PTPRT: variants seen among roughly 807,000 people sequenced by gnomAD.
PTPRT encodes receptor-type tyrosine-protein phosphatase T.
PTPRT carries 56 observed loss-of-function variants against 176.8 expected under a neutral mutation model. The observed-to-expected ratio is 0.32, with a 90% CI of 0.26 to 0.40. The LOEUF (loss-of-function observed/expected upper bound fraction) is 0.40, where lower values mean the gene tolerates loss of function less well. PTPRT is among the 10% of genes least tolerant of loss of function. The pLI is 1.00. For missense variants in PTPRT, 1,540 were observed against 1,908.2 expected (o/e 0.81, Z 3.60); for synonymous variants, 783 against 739.0 (o/e 1.06, Z -0.96).
chr20:42,276,793 T>C (rs1249599299), intron 13 of PTPRT, among the ~76,000 whole-genome samples: 1 of 151,670 alleles, frequency 6.6e-6, no homozygotes, highest in Non-Finnish European at 1.5e-5. Context: ...GCATTGCCTA[T>C]TGATAGCAGA....
intron 13 of PTPRT, among the ~76,000 whole-genome samples, chr20:42,271,910 T>C (rs927369267): frequency 1.3e-5 from 2 of 152,106 alleles, no homozygotes; most frequent in Non-Finnish European, 2.9e-5. Flanking sequence ...TCAAAAATAA[T>C]ACAGATGGCA....
At chr20:42,443,339 C>T (rs541025845) in intron 9 of PTPRT, among the ~76,000 whole-genome samples, 3 of 152,182 alleles carry the variant, frequency 2.0e-5, no homozygotes, top group Non-Finnish European at 4.4e-5. Flanking sequence ...TGGGTCCAGG[C>T]TGGGGCCTGC....
intron 15 of PTPRT, among the ~76,000 whole-genome samples, chr20:42,213,870 T>C (rs1440846213): frequency 1.3e-5 from 2 of 152,200 alleles, no homozygotes; most frequent in Non-Finnish European, 2.9e-5. Context: ...CAAATTTTGG[T>C]TAAGTCATCT....
chr20:42,148,056 G>A (rs1334107345), intron 17 of PTPRT, among the ~76,000 whole-genome samples: 1 of 152,156 alleles, frequency 6.6e-6, no homozygotes, highest in Non-Finnish European at 1.5e-5. Context: ...ACAGTAGATT[G>A]ACCAGGGAAT....
At chr20:42,390,021 C>T (rs926682259) in intron 9 of PTPRT, among the ~76,000 whole-genome samples, 8 of 152,042 alleles carry the variant, frequency 5.3e-5, no homozygotes, top group South Asian at 2.1e-4. Context: ...CTGTGGTATT[C>T]GGTTATATCA....
Position 42,351,941 on chromosome 20 carries a change from C to T in PTPRT, c.1762+143G>A, listed in dbSNP as rs984137161. The T allele has an allele frequency of 5.6e-6, 4 of 711,064 alleles. No individual in the cohort carries two copies. The African/African-American group carries it at 7.1e-5, about 13-fold the overall frequency. 44.0% of individuals were successfully genotyped at this position (711,064 alleles called of 1,614,324 possible). ...CTTAGATTTTCTTCATAGGAGACAA[C>T]AATGGTAACTCACTAGGGACTGGAT... On this transcript the variant is annotated intron_variant, in intron 10 of 30. Transcript: ENST00000373187.
At chr20:43,056,568 T>C (rs2180434) in intron 1 of PTPRT, among the ~76,000 whole-genome samples, 10,827 of 152,278 alleles carry the variant, frequency 0.071, 473 homozygotes, top group Middle Eastern at 0.14. Context: ...TGAAGCAAGA[T>C]ATAAAATTTT....
the PTPRT span, among the ~76,000 whole-genome samples, chr20:42,050,705 C>T: frequency 2.0e-5 from 3 of 152,132 alleles, no homozygotes; most frequent in Non-Finnish European, 4.4e-5. Context: ...TAGGTGCGGC[C>T]ACAGGGATAC....
intron 7 of PTPRT, among the ~76,000 whole-genome samples, chr20:42,674,782 A>G (rs1241889138): frequency 2.0e-5 from 3 of 152,216 alleles, no homozygotes; most frequent in African/African-American, 7.2e-5. Flanking sequence ...CAATAACCTT[A>G]CAAGGAATAT....
At chr20:43,058,913 G>GC (rs1987347124) in intron 1 of PTPRT, among the ~76,000 whole-genome samples, 1 of 152,180 alleles carries the variant, frequency 6.6e-6, no homozygotes, top group Admixed American at 6.5e-5. Flanking sequence ...CTGCACTGGG[G>GC]CCCACTGGAG....
chr20:42,642,231 T>C (rs1289355907), intron 7 of PTPRT, among the ~76,000 whole-genome samples: 1 of 152,136 alleles, frequency 6.6e-6, no homozygotes. Flanking sequence ...CTAGAGGGCC[T>C]TGGGTGTGGG....
intron 7 of PTPRT, among the ~76,000 whole-genome samples, chr20:42,674,486 G>T (rs1383815227): frequency 2.0e-5 from 3 of 152,084 alleles, no homozygotes; most frequent in African/African-American, 7.2e-5. Context: ...AAGTCCACGG[G>T]GGCTGCTAAA....
intron 1 of PTPRT, among the ~76,000 whole-genome samples, chr20:43,070,044 A>G (rs1252936085): frequency 1.3e-5 from 2 of 152,194 alleles, no homozygotes; most frequent in African/African-American, 4.8e-5. Context: ...CAGGCAGCCT[A>G]TGAGCCAAAT....
intron 11 of PTPRT, among the ~76,000 whole-genome samples, chr20:42,350,222 T>TGTTGTTG (rs1568799257): frequency 3.6e-5 from 2 of 55,944 alleles, no homozygotes; most frequent in African/African-American, 1.3e-4. Context: ...TTGTTTTTTT[T>TGTTGTTG]TTTTTTTTTT....
At chr20:42,148,661 C>T (rs761388970) in intron 17 of PTPRT, among the ~76,000 whole-genome samples, 1 of 152,186 alleles carries the variant, frequency 6.6e-6, no homozygotes, top group Admixed American at 6.5e-5. Context: ...GGCCTTGGTG[C>T]TCTCCTGCTG....
chr20:42,986,777 G>A (rs1418708714), intron 1 of PTPRT, among the ~76,000 whole-genome samples: 1 of 152,124 alleles, frequency 6.6e-6, no homozygotes. Flanking sequence ...AGAAACTAAA[G>A]CATAAACAGT....
chr20:43,098,465 C>T (rs2012256665), intron 1 of PTPRT, among the ~76,000 whole-genome samples: 1 of 152,018 alleles, frequency 6.6e-6, no homozygotes. Flanking sequence ...CCTAAGAGTG[C>T]CAGGTAACTA....
rs1989172493 is a variant in PTPRT at position 42,152,337 on chromosome 20, T to G, written c.2682+9015A>C. 2.0e-5 allele frequency among the ~76,000 whole-genome samples: 3 copies of G among 152,242 alleles called. No homozygotes were observed. In the South Asian group the frequency reaches 6.2e-4, roughly 31 times the overall value. On this transcript the variant is annotated intron_variant, in intron 17 of 30. Transcript: ENST00000373187. Reference sequence around the variant, plus strand: ...GGAGAGGATGACTAATGACGTCTATTCAGAGTGGCATCAGGAGAGCAAATA... The same window carrying G: ...GGAGAGGATGACTAATGACGTCTATGCAGAGTGGCATCAGGAGAGCAAATA...
At chr20:42,089,658 C>CT (rs71193647) in intron 27 of PTPRT, among the ~76,000 whole-genome samples, 2,347 of 152,250 alleles carry the variant, frequency 0.015, 58 homozygotes, top group East Asian at 0.11. Context: ...CAGAGTCATC[C>CT]TTTCACTTGG....
Sources: gnomAD v4.1 joint callset for allele counts (sites outside exome capture counted in the v4.1 genomes callset) on GRCh38, gnomAD v4.1.1 for gene constraint, MANE v1.5 for transcripts, NCBI Gene and HGNC (gene_info 2026-07-23, HGNC 2026-07-21) for gene names.